Variants in TADA2A observed in about 807,000 individuals in gnomAD.
TADA2A encodes transcriptional adapter 2-alpha.
TADA2A carries 38 observed loss-of-function variants against 67.4 expected under a neutral mutation model. The ratio of observed to expected loss-of-function variants is 0.56; its 90% CI spans 0.44 to 0.74. The LOEUF (loss-of-function observed/expected upper bound fraction) is 0.74, where lower values mean the gene tolerates loss of function less well. Ranked by LOEUF, TADA2A falls within the 30% of genes least tolerant of loss-of-function variation. The probability of loss-of-function intolerance (pLI) is 0.00; values close to 1 mark genes in which losing one functional copy is unlikely to be tolerated. For synonymous variants in TADA2A, 192 were observed against 181.6 expected (o/e 1.06, Z -0.46); for missense variants, 454 against 547.0 (o/e 0.83, Z 1.70).
At chr17:37,443,576 A>T (rs2052986613) in intron 7 of TADA2A, among the ~76,000 whole-genome samples, 1 of 152,126 alleles carries the variant, frequency 6.6e-6, no homozygotes, top group Non-Finnish European at 1.5e-5. Context: ...CTTATTGTAC[A>T]TCTAGGGGCT....
chr17:37,471,957 T>G (rs181887635), intron 14 of TADA2A, among the ~76,000 whole-genome samples: 14 of 152,308 alleles, frequency 9.2e-5, no homozygotes, highest in Non-Finnish European at 1.3e-4. Flanking sequence ...AGAGCAAGAT[T>G]AAGCCATACG....
At chr17:37,411,084 C>G (rs970017200) in intron 1 of TADA2A, among the ~76,000 whole-genome samples, 185 bp from the exon 2 acceptor site, 2 of 152,180 alleles carry the variant, frequency 1.3e-5, no homozygotes, top group Non-Finnish European at 2.9e-5. Context: ...ATTTAATTCT[C>G]ACAACTTTGG....
chr17:37,469,400 G>T (rs927592580), intron 12 of TADA2A, among the ~76,000 whole-genome samples: 3 of 151,780 alleles, frequency 2.0e-5, no homozygotes, highest in Non-Finnish European at 4.4e-5. Flanking sequence ...TTGGGAGGCC[G>T]AGGCGGGCGG....
intron 1 of TADA2A, chr17:37,407,878 C>G (rs1202991728): frequency 6.6e-6 from 1 of 152,290 alleles, no homozygotes; most frequent in Non-Finnish European, 1.5e-5. Flanking sequence ...CGTGAGCCAC[C>G]ACGCCCGGCC....
chr17:37,469,900 A>G (rs567583135), intron 12 of TADA2A, among the ~76,000 whole-genome samples: 1 of 152,360 alleles, frequency 6.6e-6, no homozygotes, highest in East Asian at 1.9e-4. Context: ...GACTCTGATA[A>G]CTAATTTTGG....
intron 4 of TADA2A, among the ~76,000 whole-genome samples, 155 bp downstream of exon 4, chr17:37,427,164 A>G (rs1294209547): frequency 1.3e-5 from 2 of 152,206 alleles, no homozygotes; most frequent in Admixed American, 6.5e-5. Context: ...CCCTTCGGAA[A>G]TAGGTAATTG....
chr17:37,456,216 C>G (rs2522965), intron 8 of TADA2A, among the ~76,000 whole-genome samples: 110,326 of 152,070 alleles, frequency 0.73, 40,649 homozygotes, highest in East Asian at 0.97. Context: ...AGAAATGAGT[C>G]GAAAGGTAGG....
intron 3 of TADA2A, 63 bp from the exon 4 acceptor site, chr17:37,426,887 C>T: frequency 6.8e-7 from 1 of 1,475,818 alleles, no homozygotes; most frequent in Non-Finnish European, 9.2e-7. Flanking sequence ...AGAAGAATAA[C>T]ACAAACCTCC....
intron 4 of TADA2A, among the ~76,000 whole-genome samples, chr17:37,430,569 C>T (rs1190857508): frequency 6.6e-6 from 1 of 152,140 alleles, no homozygotes; most frequent in Admixed American, 6.6e-5. Context: ...GCTCTTTCTG[C>T]CACACCCTTT....
rs568213891 is a variant in TADA2A, at chr17:37,444,802, G to A, written c.604+34G>A. ...TTATTTTGTCAAATGTTTATCGAGC[G>A]CCAACTGTGTGATGACACTGTCTTG... is the stretch of plus-strand genomic sequence containing the variant. On this transcript the variant is annotated intron_variant, in intron 8 of 15. Transcript: ENST00000615182. 21 of 1,584,288 alleles carry A rather than the reference G, an allele frequency of 1.3e-5. 1 individual carries two copies. The South Asian group carries it at 1.8e-4, about 13-fold the overall frequency.
intron 4 of TADA2A, among the ~76,000 whole-genome samples, chr17:37,429,692 G>A (rs931096554): frequency 2.6e-5 from 4 of 152,144 alleles, no homozygotes; most frequent in Non-Finnish European, 5.9e-5. Context: ...TATTGGTGGA[G>A]TCCTATTAAA....
At chr17:37,472,333 TG>T (rs778756496) in intron 14 of TADA2A, among the ~76,000 whole-genome samples, 2 of 151,902 alleles carry the variant, frequency 1.3e-5, no homozygotes, top group Non-Finnish European at 2.9e-5. Context: ...CCCAAAGTGC[TG>T]GGATTACAGG....
chr17:37,456,072 C>T lies in TADA2A; in HGVS notation c.605-2452C>T, dbSNP rs528773223. 2.7e-3 allele frequency among the ~76,000 whole-genome samples: 410 copies of T among 152,196 alleles called. 1 individual carries two copies. The highest frequency in any genetic ancestry group is 9.3e-3 in the African/African-American group (388 of 41,518). Reference sequence around the variant, plus strand: ...TACAAAAATTAGCCAGGCATGGTGGCGCACACCTGTAATCCCAGCTACTTG... The same window carrying T: ...TACAAAAATTAGCCAGGCATGGTGGTGCACACCTGTAATCCCAGCTACTTG... On this transcript the variant is annotated intron_variant, in intron 8 of 15. Coordinates refer to ENST00000615182, the MANE Select transcript of TADA2A (RefSeq NM_001166105.3).
At chr17:37,424,493 C>T (rs985760653) in intron 3 of TADA2A, among the ~76,000 whole-genome samples, 2 of 150,950 alleles carry the variant, frequency 1.3e-5, no homozygotes, top group South Asian at 2.1e-4. Flanking sequence ...CCAGCCTGGG[C>T]GACAGAGCAA....
intron 11 of TADA2A, 151 bp downstream of exon 11, chr17:37,465,692 C>A (rs1210808645): frequency 7.0e-7 from 1 of 1,421,240 alleles, no homozygotes; most frequent in Non-Finnish European, 9.4e-7. Context: ...AAATTTGGGA[C>A]TATGGGGGTG....
At chr17:37,423,284 A>G (rs566803655) in intron 2 of TADA2A, among the ~76,000 whole-genome samples, 1 of 152,310 alleles carries the variant, frequency 6.6e-6, no homozygotes, top group South Asian at 2.1e-4. Context: ...ATTTCTCTGC[A>G]GGGTTCATAT....
chr17:37,443,790 G>A (rs1046271315), intron 7 of TADA2A, among the ~76,000 whole-genome samples: 1 of 152,166 alleles, frequency 6.6e-6, no homozygotes, highest in African/African-American at 2.4e-5. Flanking sequence ...ACAGTAGGCT[G>A]AATAGTAGTT....
chr17:37,476,932 C>T lies in TADA2A; in HGVS notation c.1282C>T (p.Arg428Trp), dbSNP rs1263964153. The T allele has an allele frequency of 2.5e-6, 4 of 1,613,810 alleles. No individual in the cohort carries two copies. Among genetic ancestry groups the T allele is most frequent in the Non-Finnish European group, 1.7e-6 (2 of 1,179,914 alleles). The change falls in exon 16 of 16, where the codon CGG becomes TGG. Residue 428 changes from arginine to tryptophan, a missense_variant. By Grantham distance (101) the Arg-to-Trp change is moderately radical. Transcript: ENST00000615182. ...ALIKIDVNKT[R>W]KIYDFLIREG... ...CATCAAGATAGATGTGAACAAAACC[C>T]GGAAAATCTATGATTTCCTCATCAG...
intron 2 of TADA2A, among the ~76,000 whole-genome samples, chr17:37,421,420 G>A (rs2052228508): frequency 6.8e-6 from 1 of 146,236 alleles, no homozygotes; most frequent in Non-Finnish European, 1.5e-5. Flanking sequence ...AGAAAAAAAA[G>A]AAAAATCCGA....
Sources: gnomAD v4.1 joint callset for allele counts (sites outside exome capture counted in the v4.1 genomes callset) on GRCh38, gnomAD v4.1.1 for gene constraint, MANE v1.5 for transcripts, NCBI Gene and HGNC (gene_info 2026-07-23, HGNC 2026-07-21) for gene names.